Variants in MACO1 observed in about 807,000 individuals in gnomAD.
The protein encoded by MACO1 is macoilin.
Under a neutral mutation model 78.7 loss-of-function variants are expected in MACO1, and 14 were observed. The ratio of observed to expected loss-of-function variants is 0.18; its 90% confidence interval spans 0.12 to 0.28. The LOEUF (loss-of-function observed/expected upper bound fraction) is 0.28, where lower values mean the gene tolerates loss of function less well. MACO1 is among the 10% of genes least tolerant of loss of function. The pLI, the probability that MACO1 is intolerant of heterozygous loss-of-function variation, is 1.00. For missense variants in MACO1, 501 were observed against 799.0 expected, an observed-to-expected ratio of 0.63 and a Z score of 4.50; for synonymous variants, 288 against 291.6, an observed-to-expected ratio of 0.99 and a Z score of 0.12.
intron 1 of MACO1, among the ~76,000 whole-genome samples, chr1:25,432,892 C>G (rs2042888178): frequency 6.6e-6 from 1 of 152,186 alleles, no homozygotes; most frequent in Non-Finnish European, 1.5e-5. Flanking sequence ...AACAAATAGA[C>G]CCAGTTTACA....
At chr1:25,464,743 A>C (rs1364608153) in intron 6 of MACO1, among the ~76,000 whole-genome samples, 1 of 142,078 alleles carries the variant, frequency 7.0e-6, no homozygotes, top group Non-Finnish European at 1.5e-5. Context: ...TGCAACCTTC[A>C]CCTCCCGGGT....
intron 6 of MACO1, among the ~76,000 whole-genome samples, chr1:25,483,896 G>A (rs760029931): frequency 6.6e-6 from 1 of 152,176 alleles, no homozygotes; most frequent in African/African-American, 2.4e-5. Context: ...TAAACAGGGG[G>A]AAGTTGAAAG....
intron 6 of MACO1, among the ~76,000 whole-genome samples, chr1:25,472,655 T>G (rs1416080247): frequency 6.6e-5 from 10 of 152,364 alleles, no homozygotes; most frequent in Middle Eastern, 3.4e-3. Flanking sequence ...TTTGCTTGTG[T>G]CAGGAGTAGT....
rs759107017 is a variant in MACO1 at position 25,454,430 on chromosome 1, GTA to G, written c.473+56_473+57del. On this transcript the variant is annotated intron_variant, in intron 4 of 10. Transcript: ENST00000374343. ...TGTGTGTGTGTGTATATGTGTGTAT[GTA>G]TATATATGTGTGTGTGTGTGTGTGT... The G allele has an allele frequency of 9.1e-4, 943 of 1,038,912 alleles. 9 individuals are homozygous for G. The African/African-American group carries it at 0.015, about 17-fold the overall frequency. The allele number at this position is 1,038,912 out of a possible 1,614,324, so 64.4% of individuals were successfully genotyped here.
rs551854059 is a variant in MACO1, at chr1:25,457,632, T to A, written c.653-759T>A. On this transcript the variant is annotated intron_variant, in intron 5 of 10. Transcript: ENST00000374343. ...GTAATGCAGATTTTAAATTGAACCA[T>A]TTCTAATGGAATCTCTCTCATGGGC... Among the ~76,000 whole-genome samples the A allele has an allele frequency of 1.8e-4, 27 of 152,324 alleles. No individual in the cohort carries two copies. The South Asian group carries it at 5.2e-3, about 29-fold the overall frequency.
intron 6 of MACO1, 101 bp from the exon 7 acceptor site, chr1:25,484,015 T>C (rs2124607453): frequency 8.0e-7 from 1 of 1,255,842 alleles, no homozygotes; most frequent in Non-Finnish European, 1.1e-6. Context: ...CGGGGTCCTT[T>C]TTCTGCCATT....
chr1:25,473,512 C>T (rs575828871), intron 6 of MACO1, among the ~76,000 whole-genome samples: 2 of 151,994 alleles, frequency 1.3e-5, no homozygotes, highest in Non-Finnish European at 2.9e-5. Context: ...TGTTGAGTCC[C>T]GAGAGTTCAT....
At chr1:25,470,032 G>A (rs2043253980) in intron 6 of MACO1, among the ~76,000 whole-genome samples, 1 of 152,126 alleles carries the variant, frequency 6.6e-6, no homozygotes, top group Non-Finnish European at 1.5e-5. Flanking sequence ...CACATTATAA[G>A]ATGTCTACAC....
intron 1 of MACO1, 69 bp from the exon 2 acceptor site, chr1:25,446,693 C>T (rs899477125): frequency 7.0e-6 from 10 of 1,432,040 alleles, no homozygotes; most frequent in Non-Finnish European, 8.4e-6. Flanking sequence ...TAAACAGAAA[C>T]AGTGAATTTT....
At chr1:25,490,135 C>A (rs576822419) in intron 9 of MACO1, among the ~76,000 whole-genome samples, 4 of 151,410 alleles carry the variant, frequency 2.6e-5, no homozygotes, top group Non-Finnish European at 5.9e-5. Flanking sequence ...TCTAAACATA[C>A]AAGCAATGGG....
chr1:25,466,981 G>A (rs974383951), intron 6 of MACO1, among the ~76,000 whole-genome samples: 4 of 152,120 alleles, frequency 2.6e-5, no homozygotes, highest in African/African-American at 4.8e-5. Flanking sequence ...ATGCTCGGCC[G>A]GGCACGGTGG....
At chr1:25,458,326 G>T (rs1371653869) in intron 5 of MACO1, 65 bp from the exon 6 acceptor site, 7 of 1,519,444 alleles carry the variant, frequency 4.6e-6, no homozygotes, top group African/African-American at 1.4e-5. Flanking sequence ...ATTAATCTGT[G>T]TTGTTAAACA....
intron 2 of MACO1, among the ~76,000 whole-genome samples, chr1:25,448,388 C>T (rs559625421): frequency 5.9e-5 from 9 of 152,072 alleles, no homozygotes; most frequent in East Asian, 1.9e-4. Context: ...CGCTTGAACC[C>T]GGGAGGTGGA....
intron 6 of MACO1, among the ~76,000 whole-genome samples, chr1:25,468,607 A>G (rs2043239355): frequency 6.6e-6 from 1 of 152,236 alleles, no homozygotes; most frequent in Non-Finnish European, 1.5e-5. Context: ...ATTCCGCTCC[A>G]AATTCATTTG....
intron 10 of MACO1, 83 bp downstream of exon 10, chr1:25,491,667 C>A: frequency 1.7e-6 from 2 of 1,203,400 alleles, no homozygotes; most frequent in South Asian, 1.4e-5. Flanking sequence ...TGAGAGCTCT[C>A]AACCAAGGGG....
intron 2 of MACO1, 128 bp downstream of exon 2, chr1:25,447,031 T>A (rs2124576522): frequency 1.7e-6 from 2 of 1,162,762 alleles, no homozygotes; most frequent in South Asian, 4.0e-5. Flanking sequence ...AATTGACCTC[T>A]AAACTATTTT....
Position 25,431,081 on chromosome 1 carries a change from C to T in MACO1, c.-18C>T, listed in dbSNP as rs1450014556. 1.9e-6 allele frequency: 3 copies of T among 1,571,648 alleles called. No individual in the cohort carries two copies. Among genetic ancestry groups the T allele is most frequent in the East Asian group, 4.8e-5 (2 of 41,668 alleles). ...AGACGGCGGCGGCGGCGCGGGCACC[C>T]GGCCCCCCAGCGGGAGGATGAAGCG... is the stretch of plus-strand genomic sequence containing the variant. On this transcript the variant is annotated 5_prime_UTR_variant, in exon 1 of 11. Transcript: ENST00000374343.
intron 6 of MACO1, among the ~76,000 whole-genome samples, chr1:25,474,136 G>C (rs2043298996): frequency 6.6e-6 from 1 of 152,178 alleles, no homozygotes; most frequent in Admixed American, 6.5e-5. Flanking sequence ...CCCTTCCAAA[G>C]GGGACAGCCA....
intron 9 of MACO1, among the ~76,000 whole-genome samples, chr1:25,490,239 T>C (rs1171365494): frequency 6.6e-6 from 1 of 152,206 alleles, no homozygotes; most frequent in African/African-American, 2.4e-5. Flanking sequence ...AAGGAATTAA[T>C]ATTCTCAACA....
Sources: gnomAD v4.1 joint callset for allele counts (sites outside exome capture counted in the v4.1 genomes callset) on GRCh38, gnomAD v4.1.1 for gene constraint, MANE v1.5 for transcripts, NCBI Gene and HGNC (gene_info 2026-07-23, HGNC 2026-07-21) for gene names.